Variants in SOAT1 observed in about 807,000 individuals in gnomAD.
SOAT1 encodes sterol O-acyltransferase 1.
Under a neutral mutation model 69.5 loss-of-function variants are expected in SOAT1, and 55 were observed. The ratio of observed to expected loss-of-function variants is 0.79; its 90% CI spans 0.64 to 0.99. The LOEUF (loss-of-function observed/expected upper bound fraction) is 0.99, where lower values mean the gene tolerates loss of function less well. Among genes scored for constraint, SOAT1 ranks in the 50% least tolerant of loss-of-function variants. SOAT1 has a pLI of 0.00. For missense variants in SOAT1, 580 were observed against 669.3 expected (o/e 0.87, Z 1.47); for synonymous variants, 231 against 224.7 (o/e 1.03, Z -0.25).
intron 14 of SOAT1, 52 bp downstream of exon 14, chr1:179,350,483 C>A (rs1305533760): frequency 1.9e-6 from 3 of 1,541,832 alleles, no homozygotes; most frequent in Non-Finnish European, 2.6e-6. Context: ...AAAAAGAAAA[C>A]CAGATAGAAA....
rs756291006 is a variant in SOAT1, at chr1:179,337,924, T to A, written c.389+28T>A. 10 of 1,512,480 alleles carry A rather than the reference T, an allele frequency of 6.6e-6. No individual in the cohort carries two copies. The Admixed American group carries it at 9.8e-5, about 15-fold the overall frequency. The allele number at this position is 1,512,480 out of a possible 1,614,324, so 93.7% of individuals were successfully genotyped here. ...GAGTATTTTTAGTTGTTTTTAAATA[T>A]GTTTGATTTTTAAAAAACTATTCTG... is the stretch of plus-strand genomic sequence containing the variant. On this transcript the variant is annotated intron_variant, in intron 5 of 15. Transcript: ENST00000367619.
At position 179,332,175 on chromosome 1, in the gene SOAT1, C is replaced by T. The variant is rs149204727; in HGVS notation, c.178-3331C>T. On this transcript the variant is annotated intron_variant, in intron 3 of 15. Transcript: ENST00000367619. ...ATACTCAGTCCAAAGTAATCTCTGC[C>T]TGGAAGCCTTTTTAGGTAGAAGAGT... Among the ~76,000 whole-genome samples the T allele has an allele frequency of 1.7e-3, 254 of 152,308 alleles. 1 individual carries two copies. Among genetic ancestry groups the T allele is most frequent in the African/African-American group, 5.6e-3 (233 of 41,562 alleles).
chr1:179,336,748 G>A (rs1483548072), intron 4 of SOAT1, among the ~76,000 whole-genome samples: 2 of 152,140 alleles, frequency 1.3e-5, no homozygotes, highest in African/African-American at 4.8e-5. Flanking sequence ...TGTAATCCCA[G>A]CACTTTGGGA....
At chr1:179,341,368 A>G in intron 7 of SOAT1, 58 bp downstream of exon 7, 1 of 1,467,062 alleles carries the variant, frequency 6.8e-7, no homozygotes, top group Non-Finnish European at 9.4e-7. Context: ...AATAATAATG[A>G]TGATGACATA....
chr1:179,350,250 T>C (rs1477639891), intron 13 of SOAT1, 46 bp from the exon 14 acceptor site: 4 of 1,554,896 alleles, frequency 2.6e-6, no homozygotes, highest in Non-Finnish European at 3.5e-6. Flanking sequence ...CCATGCTTGC[T>C]TTAAATTTTT....
intron 1 of SOAT1, among the ~76,000 whole-genome samples, chr1:179,295,235 C>G (rs1664593120): frequency 6.6e-6 from 1 of 152,118 alleles, no homozygotes; most frequent in Non-Finnish European, 1.5e-5. Flanking sequence ...TACTGGAAAG[C>G]TTCATTTTCT....
intron 2 of SOAT1, among the ~76,000 whole-genome samples, chr1:179,309,807 A>T (rs200270684): frequency 1.3e-5 from 2 of 152,012 alleles, no homozygotes; most frequent in East Asian, 3.8e-4. Flanking sequence ...GACTTTGCTT[A>T]TGTATGTGTG....
At chr1:179,334,881 G>A (rs1666092759) in intron 3 of SOAT1, among the ~76,000 whole-genome samples, 1 of 151,980 alleles carries the variant, frequency 6.6e-6, no homozygotes, top group Non-Finnish European at 1.5e-5. Flanking sequence ...CAGGTGTGGT[G>A]GCGCATGCCT....
At chr1:179,347,229 A>G (rs953061157) in intron 11 of SOAT1, among the ~76,000 whole-genome samples, 1 of 151,934 alleles carries the variant, frequency 6.6e-6, no homozygotes, top group Non-Finnish European at 1.5e-5. Context: ...GTGGTGGTAC[A>G]TGCCTGTAGT....
At chr1:179,313,510 G>GTATATATGTGTA (rs1665287685) in intron 2 of SOAT1, among the ~76,000 whole-genome samples, 1 of 151,200 alleles carries the variant, frequency 6.6e-6, no homozygotes, top group Non-Finnish European at 1.5e-5. Context: ...GTATGTCTGT[G>GTATATATGTGTA]TATATATGTG....
At chr1:179,335,802 A>G (rs1415048478) in intron 4 of SOAT1, 145 bp downstream of exon 4, 12 of 692,956 alleles carry the variant, frequency 1.7e-5, no homozygotes, top group Non-Finnish European at 2.5e-5. Context: ...TTACTTAACC[A>G]TTTGAAGGAG....
chr1:179,311,598 A>G (rs1163417748), intron 2 of SOAT1, among the ~76,000 whole-genome samples: 1 of 40,522 alleles, frequency 2.5e-5, no homozygotes, highest in Non-Finnish European at 6.3e-5. Flanking sequence ...AATCGTTTCT[A>G]AATTTCAGTT....
chr1:179,353,120 T>A (rs111512648), intron 15 of SOAT1, among the ~76,000 whole-genome samples: 3 of 125,068 alleles, frequency 2.4e-5, no homozygotes, highest in Non-Finnish European at 3.3e-5. Context: ...TAATATATAT[T>A]TATATTTATA....
At chr1:179,330,547 C>T (rs1665936260) in intron 3 of SOAT1, among the ~76,000 whole-genome samples, 2 of 152,094 alleles carry the variant, frequency 1.3e-5, no homozygotes, top group East Asian at 3.9e-4. Context: ...GGTTTCAGTT[C>T]CCAACAAGGA....
At chr1:179,337,045 G>A (rs1163698129) in intron 4 of SOAT1, among the ~76,000 whole-genome samples, 3 of 151,156 alleles carry the variant, frequency 2.0e-5, no homozygotes, top group Non-Finnish European at 4.4e-5. Context: ...CTATACAATT[G>A]TTGTAATAAA....
At chr1:179,295,537 G>A (rs1035390869) in intron 1 of SOAT1, among the ~76,000 whole-genome samples, 1 of 152,216 alleles carries the variant, frequency 6.6e-6, no homozygotes, top group Non-Finnish European at 1.5e-5. Flanking sequence ...GAATGAATAA[G>A]TTGGTGGACA....
rs71111912 is a variant in SOAT1, at chr1:179,348,760, A to ATG, written c.1216-30_1216-29dup. 1,977 of 592,640 alleles carry ATG rather than the reference A, an allele frequency of 3.3e-3. 13 individuals carry two copies. The highest frequency in any genetic ancestry group is 0.011 in the African/African-American group (529 of 48,728). 36.7% of individuals were successfully genotyped at this position (592,640 alleles called of 1,614,324 possible). A position where few individuals can be genotyped will look rare whatever the true frequency, so the allele number is the denominator to read the frequency against. On this transcript the variant is annotated intron_variant, in intron 12 of 15. Coordinates refer to ENST00000367619, the MANE Select transcript of SOAT1 (RefSeq NM_003101.6). ...TCAGGGGGGTTTGCTTTCGGGTGGG[A>ATG]TGTGTGTGTGTGTGTGTGTGTGTGT...
At chr1:179,313,398 GA>G (rs1665284296) in intron 2 of SOAT1, among the ~76,000 whole-genome samples, 2 of 95,030 alleles carry the variant, frequency 2.1e-5, no homozygotes, top group South Asian at 7.3e-4. Context: ...CTATAGTTAT[GA>G]TATGTCAGAT....
chr1:179,348,918 C>G lies in SOAT1; in HGVS notation c.1290C>G (p.Tyr430Ter). The stretch of plus-strand genomic sequence containing the variant: ...TGGTGGTCCATGACTGGCTATATTA[C>G]TATGCTTACAAGGACTTTCTCTGGG... ...WNVVVHDWLY[Y>*]YAYKDFLWFF... The change falls in exon 13 of 16, where the codon TAC (tyrosine) becomes TAG (stop). Residue 430 changes from tyrosine (Y) to a stop codon, truncating the protein, a stop_gained. Coordinates refer to ENST00000367619, the MANE Select transcript of SOAT1 (RefSeq NM_003101.6). LOFTEE classifies it high-confidence loss of function. 1 of 1,602,746 alleles carries G rather than the reference C, an allele frequency of 6.2e-7. No homozygotes were observed. Among genetic ancestry groups the G allele is most frequent in the Non-Finnish European group, 8.5e-7 (1 of 1,169,962 alleles).
Sources: allele counts gnomAD v4.1 joint callset (sites outside exome capture counted in the v4.1 genomes callset), GRCh38; gene constraint gnomAD v4.1.1; transcripts MANE v1.5; gene names NCBI Gene and HGNC (gene_info 2026-07-23, HGNC 2026-07-21).